TRIM41: variants seen among roughly 807,000 people sequenced by gnomAD.
The protein encoded by TRIM41 is E3 ubiquitin-protein ligase TRIM41.
A neutral mutation model predicts 60.6 loss-of-function variants in TRIM41; 21 were observed. That is an observed-to-expected ratio of 0.35 (90% CI 0.25 to 0.50). The LOEUF is 0.50. TRIM41 is among the 20% of genes least tolerant of loss of function. The pLI is 0.98. For missense variants in TRIM41, 846 were observed against 868.3 expected (o/e 0.97, Z 0.32); for synonymous variants, 407 against 344.9 (o/e 1.18, Z -2.00).
rs1759069745 is a variant in TRIM41, at chr5:181,235,513, C to T, written c.*738C>T. The T allele has an allele frequency of 1.5e-6, 2 of 1,357,636 alleles. No individual in the cohort carries two copies. The highest frequency in any genetic ancestry group is 2.0e-6 in the Non-Finnish European group (2 of 981,248). The allele number at this position is 1,357,636 out of a possible 1,614,324, so 84.1% of individuals were successfully genotyped here. ...AACCAAGGAGCAAAGCTCATCCCAC[C>T]CCACACCCCTCCCAGGTCTGCTCAC... On this transcript the variant is annotated 3_prime_UTR_variant, in exon 6 of 6. Transcript: ENST00000315073.
In TRIM41 at chr5:181,224,404, C is replaced by G. The variant is rs755035871; in HGVS notation, c.405C>G (p.Tyr135Ter). ...EEEDEEEDLD[Y>*]YLGDMEEEDL... Reference sequence around the variant, plus strand: ...AGGACGAGGAGGAAGACCTGGACTACTACTTGGGGGACATGGAGGAGGAGG... The same window carrying G: ...AGGACGAGGAGGAAGACCTGGACTAGTACTTGGGGGACATGGAGGAGGAGG... Residue 135 changes from tyrosine (Y) to a stop codon, truncating the protein, a stop_gained, in exon 1 of 6, where the codon TAC (tyrosine) becomes TAG (stop). Coordinates refer to ENST00000315073, the MANE Select transcript of TRIM41 (RefSeq NM_033549.5). LOFTEE classifies it high-confidence loss of function. The G allele has an allele frequency of 6.2e-7, 1 of 1,611,986 alleles. No homozygotes were observed. Among genetic ancestry groups the G allele is most frequent in the Non-Finnish European group, 8.5e-7 (1 of 1,178,688 alleles).
rs1381026771 is a variant in TRIM41, at chr5:181,233,767, G to A, written c.1291+4G>A. The A allele has an allele frequency of 7.4e-6, 12 of 1,614,084 alleles. No individual in the cohort carries two copies. The South Asian group carries it at 1.2e-4, about 16-fold the overall frequency. Reference sequence around the variant, plus strand: ...ATGTTCTGTCAGGCTGCGAGAGGTAGGGAGGTCACCTCCACGACCTTCCTT... The same window carrying A: ...ATGTTCTGTCAGGCTGCGAGAGGTAAGGAGGTCACCTCCACGACCTTCCTT... On this transcript the variant is annotated splice_donor_region_variant and intron_variant, in intron 5 of 5. Coordinates refer to ENST00000315073, the MANE Select transcript of TRIM41 (RefSeq NM_033549.5). This position sits in a 1 kb window ranked among gnomAD's most constrained non-coding sequence, Gnocchi z 4.1.
Position 181,233,676 on chromosome 5 carries a change from CCT to C in TRIM41, c.1205_1206del (p.Pro402ArgfsTer7), listed in dbSNP as rs772527626. 6.2e-7 allele frequency: 1 copy of C among 1,614,222 alleles called. No individual in the cohort carries two copies. Among genetic ancestry groups the C allele is most frequent in the Non-Finnish European group, 8.5e-7 (1 of 1,180,042 alleles). On this transcript the variant is annotated frameshift_variant, in exon 5 of 6. Coordinates refer to ENST00000315073, the MANE Select transcript of TRIM41 (RefSeq NM_033549.5). LOFTEE classifies it high-confidence loss of function. This position sits in a 1 kb window ranked among gnomAD's most constrained non-coding sequence, Gnocchi z 4.1. Reference protein sequence around the residue: ...VQLQPPEVWSPDPCQPHSHDF... With the variant: ...VQLQPPEVWSXDPCQPHSHDF... ...GCTGCAGCCCCCAGAGGTCTGGTCC[CCT>C]GACCCGTGCCAACCCCATAGCCATG...
At position 181,234,469 on chromosome 5, in the gene TRIM41, C is replaced by T; in HGVS notation, c.1587C>T (p.Arg529=). 6.2e-7 allele frequency: 1 copy of T among 1,613,180 alleles called. No individual in the cohort carries two copies. Among genetic ancestry groups the T allele is most frequent in the Non-Finnish European group, 8.5e-7 (1 of 1,179,540 alleles). ...SVGSGDASSS[R]HHHRRRRLHL... is the part of the protein sequence containing the mutation. ...GCAGCGGGGATGCCAGCTCCTCGCG[C>T]CATCACCATCGCCGCCGCCGGCTCC... The change falls in exon 6 of 6, where the codon CGC becomes CGT. Residue 529 remains arginine (R), a synonymous_variant. Transcript: ENST00000315073. The surrounding 1 kb of genome is among the most constrained non-coding windows in gnomAD (Gnocchi z 5.6).
chr5:181,234,862 TCTTC>T lies in TRIM41; in HGVS notation c.*89_*92del. On this transcript the variant is annotated 3_prime_UTR_variant, in exon 6 of 6. Coordinates refer to ENST00000315073, the MANE Select transcript of TRIM41 (RefSeq NM_033549.5). This position sits in a 1 kb window ranked among gnomAD's most constrained non-coding sequence, Gnocchi z 5.6. ...CCCGTAAGTTTGAGGGCTCAAAGGC[TCTTC>T]CCACTGCTTGTTACTGTGTTGCTTC... 1 of 1,610,878 alleles carries T rather than the reference TCTTC, an allele frequency of 6.2e-7. No homozygotes were observed. The highest frequency in any genetic ancestry group is 8.5e-7 in the Non-Finnish European group (1 of 1,179,356).
In TRIM41 at chr5:181,224,250, C is replaced by T. The variant is rs1457464775; in HGVS notation, c.251C>T (p.Thr84Ile). 1 of 1,613,316 alleles carries T rather than the reference C, an allele frequency of 6.2e-7. No homozygotes were observed. Among genetic ancestry groups the T allele is most frequent in the African/African-American group, 1.3e-5 (1 of 74,720 alleles). The change falls in exon 1 of 6, where the codon ACC becomes ATC. Residue 84 changes from threonine (T) to isoleucine (I), a missense_variant. Physicochemically the swap from Thr to Ile is moderately conservative, Grantham distance 89 (BLOSUM62 -1). Transcript: ENST00000315073. ...GTGGGGGCTGGCGCGGGGTGGGACA[C>T]CCCCATGCGGGATGAAGACTACGAG... ...EAVGAGAGWDTPMRDEDYEGD... is the reference protein window; with the variant it reads ...EAVGAGAGWDIPMRDEDYEGD...
chr5:181,224,525 G>T lies in TRIM41; in HGVS notation c.526G>T (p.Ala176Ser). Residue 176 changes from alanine to serine, a missense_variant, in exon 1 of 6, where the codon GCC becomes TCC. By Grantham distance (99) the Ala-to-Ser change is moderately conservative (BLOSUM62 1). Coordinates refer to ENST00000315073, the MANE Select transcript of TRIM41 (RefSeq NM_033549.5). ...CGTCACCCCACTGCCCCCGCCTCCA[G>T]CCCCTCGGAGGTGCTTCACATGCCC... ...DPVTPLPPPP[A>S]PRRCFTCPQC... is the part of the protein sequence containing the mutation. 4 of 1,612,282 alleles carry T rather than the reference G, an allele frequency of 2.5e-6. No homozygotes were observed. Among genetic ancestry groups the T allele is most frequent in the Non-Finnish European group, 3.4e-6 (4 of 1,178,508 alleles).
rs1758386958 is a variant in TRIM41 at position 181,223,579 on chromosome 5, CG to C, written c.-417del. The C allele has an allele frequency of 4.5e-6, 2 of 447,244 alleles. No homozygotes were observed. The highest frequency in any genetic ancestry group is 7.9e-6 in the Non-Finnish European group (2 of 253,926). 27.7% of individuals were successfully genotyped at this position (447,244 alleles called of 1,614,324 possible). ...CATTTCCTGTCGCCCTGGGGCCCCG[CG>C]GGGAAAAAGGGGGAGTAGCAGGACA... On this transcript the variant is annotated 5_prime_UTR_variant, in exon 1 of 6. Transcript: ENST00000315073.
chr5:181,230,995 G>C (rs755392401), intron 2 of TRIM41, 156 bp downstream of exon 2: 1 of 600,374 alleles, frequency 1.7e-6, no homozygotes, highest in African/African-American at 1.9e-5. Context: ...TGAGGAGAGC[G>C]GGGCCTTAGA....
intron 1 of TRIM41, chr5:181,227,175 ACT>A (rs913611498): frequency 6.0e-5 from 9 of 150,930 alleles, no homozygotes; most frequent in African/African-American, 2.0e-4. Context: ...GCCTGGCCAT[ACT>A]CTCTTTTCTT....
chr5:181,235,666 C>T lies in TRIM41; in HGVS notation c.*891C>T, dbSNP rs1759081288. On this transcript the variant is annotated 3_prime_UTR_variant, in exon 6 of 6. Transcript: ENST00000315073. ...CGGGTTTGGGTCCCCAGGAGGAGAG[C>T]CTTGGGTATAATCTATTTTTCTAGG... 2.1e-6 allele frequency: 1 copy of T among 468,152 alleles called. No homozygotes were observed. The highest frequency in any genetic ancestry group is 3.9e-6 in the Non-Finnish European group (1 of 257,782). The allele number at this position is 468,152 out of a possible 1,614,324, so 29.0% of individuals were successfully genotyped here.
At chr5:181,232,480 G>A in intron 2 of TRIM41, 179 bp from the exon 3 acceptor site, 1 of 610,648 alleles carries the variant, frequency 1.6e-6, no homozygotes, top group Non-Finnish European at 2.8e-6. Flanking sequence ...CCACTGTGCT[G>A]GGAGCAAGGG....
rs1759039471 is a variant in TRIM41, at chr5:181,235,130, A to AC, written c.*359dup. On this transcript the variant is annotated 3_prime_UTR_variant, in exon 6 of 6. Coordinates refer to ENST00000315073, the MANE Select transcript of TRIM41 (RefSeq NM_033549.5). ...TTCATTCCTTAACTTCCTTTTCCCC[A>AC]CCCCTGCTCTTCAACCTCTTTATCA... 1.3e-6 allele frequency: 2 copies of AC among 1,569,562 alleles called. No individual in the cohort carries two copies. The highest frequency in any genetic ancestry group is 1.2e-5 in the South Asian group (1 of 86,024).
rs1440173051 is a variant in TRIM41, at chr5:181,235,552, T to C, written c.*777T>C. ...AGGTCTGCTCACTGCCAGGCTCCTC[T>C]CCCCTTTGTTCAGTGGAGCTGGCTT... On this transcript the variant is annotated 3_prime_UTR_variant, in exon 6 of 6. Transcript: ENST00000315073. The C allele has an allele frequency of 9.4e-6, 9 of 960,224 alleles. No individual in the cohort carries two copies. Among genetic ancestry groups the C allele is most frequent in the East Asian group, 7.9e-5 (3 of 37,764 alleles). The allele number at this position is 960,224 out of a possible 1,614,324, so 59.5% of individuals were successfully genotyped here.
chr5:181,226,742 C>T (rs548345078), intron 1 of TRIM41: 2 of 152,354 alleles, frequency 1.3e-5, no homozygotes, highest in African/African-American at 4.8e-5. Flanking sequence ...TGTAGGACTG[C>T]TCCAAGGAGC....
At chr5:181,230,682 A>AG (rs1758758235) in intron 1 of TRIM41, 62 bp from the exon 2 acceptor site, 4 of 1,385,814 alleles carry the variant, frequency 2.9e-6, no homozygotes, top group Non-Finnish European at 4.1e-6. Flanking sequence ...AGGATTGCAG[A>AG]GGTAGGCTCT....
At chr5:181,224,880 A>T (rs186213237) in intron 1 of TRIM41, 68 bp downstream of exon 1, 4 of 1,600,718 alleles carry the variant, frequency 2.5e-6, no homozygotes, top group Non-Finnish European at 3.4e-6. Context: ...GGGACCTGGG[A>T]AAAGGAAACA....
At position 181,235,521 on chromosome 5, in the gene TRIM41, C is replaced by T. The variant is rs1374957389; in HGVS notation, c.*746C>T. 6 of 1,271,156 alleles carry T rather than the reference C, an allele frequency of 4.7e-6. No individual in the cohort carries two copies. Among genetic ancestry groups the T allele is most frequent in the Non-Finnish European group, 6.6e-6 (6 of 907,824 alleles). 78.7% of individuals were successfully genotyped at this position (1,271,156 alleles called of 1,614,324 possible). A position where few individuals can be genotyped will look rare whatever the true frequency, so the allele number is the denominator to read the frequency against. On this transcript the variant is annotated 3_prime_UTR_variant, in exon 6 of 6. Transcript: ENST00000315073. ...AGCAAAGCTCATCCCACCCCACACC[C>T]CTCCCAGGTCTGCTCACTGCCAGGC...
chr5:181,224,396 C>A lies in TRIM41; in HGVS notation c.397C>A (p.Leu133Met). Reference sequence around the variant, plus strand: ...GGAGGAGGAGGACGAGGAGGAAGACCTGGACTACTACTTGGGGGACATGGA... The same window carrying A: ...GGAGGAGGAGGACGAGGAGGAAGACATGGACTACTACTTGGGGGACATGGA... ...VWEEEDEEED[L>M]DYYLGDMEEE... is the part of the protein sequence containing the mutation. Residue 133 changes from leucine to methionine, a missense_variant, in exon 1 of 6, where the codon CTG becomes ATG. Transcript: ENST00000315073. 1 of 1,611,274 alleles carries A rather than the reference C, an allele frequency of 6.2e-7. No homozygotes were observed. Among genetic ancestry groups the A allele is most frequent in the Non-Finnish European group, 8.5e-7 (1 of 1,178,530 alleles).
Sources: allele counts gnomAD v4.1 joint callset, GRCh38; gene constraint gnomAD v4.1.1; non-coding constraint Gnocchi (gnomAD v3.1); transcripts MANE v1.5; gene names NCBI Gene and HGNC (gene_info 2026-07-23, HGNC 2026-07-21).